Variants in PRKCG observed in about 807,000 individuals in gnomAD.
PRKCG encodes the protein protein kinase C gamma.
Under a neutral mutation model 82.0 loss-of-function variants are expected in PRKCG, and 28 were observed. The observed-to-expected ratio is 0.34, with a 90% CI of 0.25 to 0.47. The LOEUF is 0.47. PRKCG is among the 20% of genes least tolerant of loss of function. The pLI is 1.00. For synonymous variants in PRKCG, 383 were observed against 376.6 expected (o/e 1.02, Z -0.20); for missense variants, 640 against 952.7 (o/e 0.67, Z 4.32).
chr19:53,882,127 G>C (rs2068595296), upstream of PRKCG: 1 of 306,892 alleles, frequency 3.3e-6, no homozygotes, highest in African/African-American at 2.3e-5. The surrounding 1 kb of genome is among the most constrained non-coding windows in gnomAD (Gnocchi z 6.1). Context: ...CTCCGGGAGG[G>C]GAGCGCCTTT....
At chr19:53,894,052 C>G (rs138558233) in intron 9 of PRKCG, among the ~76,000 whole-genome samples, 1 of 151,154 alleles carries the variant, frequency 6.6e-6, no homozygotes, top group Non-Finnish European at 1.5e-5. Context: ...CCACTGCGCC[C>G]GACCGATTCT....
In PRKCG at chr19:53,882,390, A is replaced by C; in HGVS notation, c.-105A>C. 6.6e-7 allele frequency: 1 copy of C among 1,512,622 alleles called. No individual in the cohort carries two copies. Among genetic ancestry groups the C allele is most frequent in the Non-Finnish European group, 9.0e-7 (1 of 1,117,002 alleles). 93.7% of individuals were successfully genotyped at this position (1,512,622 alleles called of 1,614,324 possible). On this transcript the variant is annotated 5_prime_UTR_variant, in exon 1 of 18. Transcript: ENST00000263431. The surrounding 1 kb of genome is among the most constrained non-coding windows in gnomAD (Gnocchi z 6.1). ...TTGCCCCTCTCCTGCCCACCTCGGA[A>C]TTTCCCTGTGGCTCCTTTGATCCTT...
intron 9 of PRKCG, among the ~76,000 whole-genome samples, chr19:53,893,920 AT>A (rs1420238370): frequency 6.7e-6 from 1 of 148,460 alleles, no homozygotes; most frequent in African/African-American, 2.5e-5. Context: ...CACCCAGCTA[AT>A]TTTTTTTTTA....
At position 53,883,115 on chromosome 19, in the gene PRKCG, G is replaced by A; in HGVS notation, c.171-48G>A. On this transcript the variant is annotated intron_variant, in intron 1 of 17. Transcript: ENST00000263431. This position sits in a 1 kb window ranked among gnomAD's most constrained non-coding sequence, Gnocchi z 5.4. ...CCCCTGTGGCTCGCAGAGGTTGGGG[G>A]TCCAGGTACCCCTTTCTGCACTGAC... 1 of 1,612,206 alleles carries A rather than the reference G, an allele frequency of 6.2e-7. No individual in the cohort carries two copies. The highest frequency in any genetic ancestry group is 8.5e-7 in the Non-Finnish European group (1 of 1,178,364).
In PRKCG at chr19:53,904,356, T is replaced by C. The variant is rs73937612; in HGVS notation, c.1657-279T>C. ...TCTTCTATTTAACTGACATGTTGCA[T>C]AATTAACAGCCTGCTGATTTACATA... On this transcript the variant is annotated intron_variant, in intron 15 of 17. Transcript: ENST00000263431. Among the ~76,000 whole-genome samples, 3,436 of 150,146 alleles carry C rather than the reference T, an allele frequency of 0.023. 123 individuals are homozygous for C. Among genetic ancestry groups the C allele is most frequent in the African/African-American group, 0.078 (3,161 of 40,578 alleles).
At position 53,906,354 on chromosome 19, in the gene PRKCG, G is replaced by T; in HGVS notation, c.1802G>T (p.Gly601Val). 1.3e-6 allele frequency: 2 copies of T among 1,552,510 alleles called. No homozygotes were observed. The highest frequency in any genetic ancestry group is 1.7e-6 in the Non-Finnish European group (2 of 1,147,462). Residue 601 changes from glycine to valine, a missense_variant, in exon 17 of 18, where the codon GGG (glycine) becomes GTG (valine). Gly to Val is a moderately radical substitution (Grantham distance 109). Transcript: ENST00000263431. ...TKHPGKRLGS[G>V]PDGEPTIRAH... ...CACCCAGGGAAGCGCCTGGGCTCAG[G>T]GCCTGATGGGGAACCTACCATCCGT...
chr19:53,883,203 TG>T lies in PRKCG; in HGVS notation c.202+13del. 1 of 1,613,584 alleles carries T rather than the reference TG, an allele frequency of 6.2e-7. No homozygotes were observed. ...GGGCCTGCAATGTCAAGGTAAGAGC[TG>T]GGGACCGGGGCTCCTGGGACCCTCA... On this transcript the variant is annotated intron_variant, in intron 2 of 17. Transcript: ENST00000263431. The surrounding 1 kb of genome is among the most constrained non-coding windows in gnomAD (Gnocchi z 5.4).
At chr19:53,887,296 G>C (rs1056624831) in intron 3 of PRKCG, among the ~76,000 whole-genome samples, 1 of 151,758 alleles carries the variant, frequency 6.6e-6, no homozygotes, top group Non-Finnish European at 1.5e-5. Flanking sequence ...TTGGGAGTTC[G>C]AGACCAGCCT....
intron 15 of PRKCG, 53 bp downstream of exon 15, chr19:53,903,206 C>G: frequency 7.0e-7 from 1 of 1,438,226 alleles, no homozygotes; most frequent in Non-Finnish European, 9.8e-7. Flanking sequence ...GAGAGGGGCA[C>G]CTGGATCTCA....
At chr19:53,894,386 C>T (rs115716360) in intron 9 of PRKCG, among the ~76,000 whole-genome samples, 1,877 of 152,094 alleles carry the variant, frequency 0.012, 34 homozygotes, top group African/African-American at 0.043. Context: ...TTTAAAAAAT[C>T]TATCAAGCAT....
In PRKCG at chr19:53,898,472, G is replaced by A. The variant is rs2068733605; in HGVS notation, c.1125G>A (p.Glu375=). 3 of 1,613,822 alleles carry A rather than the reference G, an allele frequency of 1.9e-6. No individual in the cohort carries two copies. The highest frequency in any genetic ancestry group is 2.2e-5 in the South Asian group (2 of 91,092). The change falls in exon 11 of 18, where the codon GAG becomes GAA. Residue 375 remains glutamate (E), a synonymous_variant. Coordinates refer to ENST00000263431, the MANE Select transcript of PRKCG (RefSeq NM_002739.5). Reference sequence around the variant, plus strand: ...TGGCCGAGCGCAGGGGCTCTGATGAGCTCTACGCCATCAAGATCTTGAAAA... The same window carrying A: ...TGGCCGAGCGCAGGGGCTCTGATGAACTCTACGCCATCAAGATCTTGAAAA... ...VMLAERRGSD[E]LYAIKILKKD... is the part of the protein sequence containing the mutation.
At chr19:53,895,678 C>A (rs2068712825) in intron 9 of PRKCG, among the ~76,000 whole-genome samples, 1 of 152,168 alleles carries the variant, frequency 6.6e-6, no homozygotes, top group African/African-American at 2.4e-5. Flanking sequence ...TTTCTGCAGA[C>A]CTACTCAGTG....
At chr19:53,891,853 G>T (rs1371505855) in intron 6 of PRKCG, 23 bp downstream of exon 6, 2 of 1,613,536 alleles carry the variant, frequency 1.2e-6, no homozygotes, top group Non-Finnish European at 8.5e-7. Flanking sequence ...TGCAGGGAAG[G>T]CAATGACAGC....
chr19:53,903,236 G>C (rs1027916270), intron 15 of PRKCG, 83 bp downstream of exon 15: 22 of 1,076,848 alleles, frequency 2.0e-5, no homozygotes, highest in Non-Finnish European at 2.9e-5. Context: ...AGTTAGAAAG[G>C]AGCCCAGAAG....
chr19:53,882,069 G>T (rs969407120), upstream of PRKCG: 2 of 264,444 alleles, frequency 7.6e-6, no homozygotes, highest in Middle Eastern at 1.5e-3. This position sits in a 1 kb window ranked among gnomAD's most constrained non-coding sequence, Gnocchi z 6.1. Context: ...CCCCGGAGTG[G>T]GTGTGTGCAC....
At chr19:53,902,392 C>T (rs958350265) in intron 14 of PRKCG, among the ~76,000 whole-genome samples, 11 of 152,066 alleles carry the variant, frequency 7.2e-5, no homozygotes, top group African/African-American at 1.7e-4. Context: ...GCATCCTGGG[C>T]TACAGAGTGA....
chr19:53,906,355 G>C lies in PRKCG; in HGVS notation c.1803G>C (p.Gly601=). 1 of 1,552,700 alleles carries C rather than the reference G, an allele frequency of 6.4e-7. No individual in the cohort carries two copies. The highest frequency in any genetic ancestry group is 1.2e-5 in the South Asian group (1 of 84,146). The change falls in exon 17 of 18, where the codon GGG becomes GGC. Residue 601 remains glycine (G), a synonymous_variant. Transcript: ENST00000263431. ...ACCCAGGGAAGCGCCTGGGCTCAGGGCCTGATGGGGAACCTACCATCCGTG... is the reference window on the plus strand; with the variant it reads ...ACCCAGGGAAGCGCCTGGGCTCAGGCCCTGATGGGGAACCTACCATCCGTG... ...TKHPGKRLGS[G]PDGEPTIRAH...
intron 9 of PRKCG, among the ~76,000 whole-genome samples, chr19:53,894,104 C>T (rs879699861): frequency 4.7e-5 from 7 of 150,330 alleles, no homozygotes; most frequent in Admixed American, 1.3e-4. Flanking sequence ...CTCGCTGTGA[C>T]GCCCAGGCTG....
Position 53,889,629 on chromosome 19 carries a change from T to C in PRKCG, c.286-9T>C. ...CAACGCCCCCTAAGCCAGTCTTCTCTGCCCCCAGGACCCCCGGAACAAACA... is the reference window on the plus strand; with the variant it reads ...CAACGCCCCCTAAGCCAGTCTTCTCCGCCCCCAGGACCCCCGGAACAAACA... On this transcript the variant is annotated splice_polypyrimidine_tract_variant and intron_variant, in intron 3 of 17. Transcript: ENST00000263431. The surrounding 1 kb of genome is among the most constrained non-coding windows in gnomAD (Gnocchi z 4.4). 6.2e-7 allele frequency: 1 copy of C among 1,613,226 alleles called. No homozygotes were observed. The highest frequency in any genetic ancestry group is 8.5e-7 in the Non-Finnish European group (1 of 1,179,254).
Sources: gnomAD v4.1 joint callset for allele counts (sites outside exome capture counted in the v4.1 genomes callset) on GRCh38, gnomAD v4.1.1 for gene constraint, Gnocchi (gnomAD v3.1) non-coding constraint, MANE v1.5 for transcripts, NCBI Gene and HGNC (gene_info 2026-07-23, HGNC 2026-07-21) for gene names.